Variants in TTC34 observed in about 807,000 individuals in gnomAD.
The protein encoded by TTC34 is tetratricopeptide repeat domain 34, also known as tetratricopeptide repeat protein 34.
A neutral mutation model predicts 40.7 loss-of-function variants in TTC34; 44 were observed. The ratio of observed to expected loss-of-function variants is 1.08; its 90% CI spans 0.85 to 1.39. TTC34 has a LOEUF of 1.39. Ranked by LOEUF, TTC34 falls within the 40% of genes most tolerant of loss-of-function variation. TTC34 has a pLI of 0.00. For missense variants in TTC34, 884 were observed against 838.0 expected (o/e 1.05, Z -0.68); for synonymous variants, 422 against 398.6 (o/e 1.06, Z -0.70).
chr1:2,691,989 AG>A (rs1640640764), intron 6 of TTC34, among the ~76,000 whole-genome samples: 3 of 81,180 alleles, frequency 3.7e-5, no homozygotes, highest in African/African-American at 4.3e-5. Flanking sequence ...CCACACCCCC[AG>A]GCGAGCATCT....
chr1:2,652,741 T>A (rs1570754621), intron 6 of TTC34, among the ~76,000 whole-genome samples: 1 of 149,948 alleles, frequency 6.7e-6, no homozygotes, highest in Non-Finnish European at 1.5e-5. Flanking sequence ...GGTGAGCATC[T>A]GACAGACTGG....
chr1:2,695,014 C>A (rs538772376), intron 6 of TTC34, among the ~76,000 whole-genome samples: 3 of 149,378 alleles, frequency 2.0e-5, no homozygotes, highest in Admixed American at 6.7e-5. Context: ...GATCTGACAG[C>A]CTGGAACAGC....
intron 6 of TTC34, among the ~76,000 whole-genome samples, chr1:2,750,967 C>A (rs1217868489): frequency 0.012 from 1,392 of 111,370 alleles, 1 homozygote; most frequent in Admixed American, 0.02. Context: ...GCACCCACAC[C>A]CCCAGGTGCG....
At chr1:2,682,124 ACAGC>A (rs1394885502) in intron 6 of TTC34, among the ~76,000 whole-genome samples, 3 of 147,290 alleles carry the variant, frequency 2.0e-5, no homozygotes, top group African/African-American at 2.5e-5. Flanking sequence ...TGAGCATCTG[ACAGC>A]CTGGAACAGC....
intron 6 of TTC34, among the ~76,000 whole-genome samples, chr1:2,767,472 G>T (rs1224612008): frequency 1.2e-3 from 178 of 147,540 alleles, no homozygotes; most frequent in Middle Eastern, 7.0e-3. Flanking sequence ...GCCTGGAACA[G>T]AATTCTCCAA....
intron 6 of TTC34, among the ~76,000 whole-genome samples, 155 bp downstream of exon 6, chr1:2,783,454 C>G (rs963792640): frequency 6.6e-6 from 1 of 152,202 alleles, no homozygotes; most frequent in Non-Finnish European, 1.5e-5. Flanking sequence ...TCCCATGAGC[C>G]GCTGTACAGG....
chr1:2,757,657 A>T (rs1355874392), intron 6 of TTC34, among the ~76,000 whole-genome samples: 2 of 128,236 alleles, frequency 1.6e-5, no homozygotes, highest in African/African-American at 3.2e-5. Context: ...GACAGCCTGG[A>T]GCAGGACCCA....
intron 6 of TTC34, among the ~76,000 whole-genome samples, chr1:2,684,532 C>A: frequency 8.2e-6 from 1 of 121,348 alleles, no homozygotes. Flanking sequence ...GGTGAGCATC[C>A]GACATCCTGA....
intron 8 of TTC34, among the ~76,000 whole-genome samples, chr1:2,643,501 G>C (rs1423845500): frequency 6.6e-6 from 1 of 152,158 alleles, no homozygotes; most frequent in Non-Finnish European, 1.5e-5. Context: ...CCCCCTGCCA[G>C]GCCCTGCTCC....
rs1423896885 is a variant in TTC34 at position 2,751,967 on chromosome 1, C to T, written c.2226+31642G>A. Among the ~76,000 whole-genome samples, 11 of 110,810 alleles carry T rather than the reference C, an allele frequency of 9.9e-5. 2 individuals are homozygous for T. Among genetic ancestry groups the T allele is most frequent in the Non-Finnish European group, 2.0e-4 (11 of 55,980 alleles). 72.7% of individuals were successfully genotyped at this position (110,810 alleles called of 152,430 possible). On this transcript the variant is annotated intron_variant, in intron 6 of 8. Coordinates refer to ENST00000401095, the Ensembl canonical transcript of TTC34. ...ATCGGAGAGTCTGGAGCAGCGCCCA[C>T]ACCCCCAGGCGAGCATTTGACAGCC... is the stretch of plus-strand genomic sequence containing the variant.
intron 6 of TTC34, among the ~76,000 whole-genome samples, chr1:2,683,411 A>G (rs1380144155): frequency 1.1e-4 from 13 of 120,488 alleles, no homozygotes; most frequent in East Asian, 2.6e-4. Context: ...AGCATCCGAT[A>G]GCCTGGAACA....
At chr1:2,685,130 C>A (rs1262766708) in intron 6 of TTC34, among the ~76,000 whole-genome samples, 3 of 136,020 alleles carry the variant, frequency 2.2e-5, no homozygotes, top group Non-Finnish European at 3.1e-5. Context: ...CCCAGGCGAG[C>A]ATCGGACGGC....
intron 6 of TTC34, among the ~76,000 whole-genome samples, chr1:2,767,952 T>A (rs1641831298): frequency 6.7e-6 from 1 of 149,800 alleles, no homozygotes; most frequent in Non-Finnish European, 1.5e-5. Flanking sequence ...TCCGATGGCA[T>A]GGAACAGCAC....
At chr1:2,749,400 G>T (rs1569685922) in intron 6 of TTC34, among the ~76,000 whole-genome samples, 3 of 96,414 alleles carry the variant, frequency 3.1e-5, no homozygotes, top group Admixed American at 1.1e-4. Context: ...ACAGCACCCT[G>T]CACCCCCAGG....
chr1:2,800,519 G>A (rs962523905), exon 2 of TTC34: 11 of 398,124 alleles, frequency 2.8e-5, no homozygotes, highest in South Asian at 1.3e-4. Context: ...GCAGGATGGC[G>A]GCGGGGTGGT....
At chr1:2,759,608 A>G (rs1641624604) in intron 6 of TTC34, among the ~76,000 whole-genome samples, 1 of 152,116 alleles carries the variant, frequency 6.6e-6, no homozygotes, top group African/African-American at 2.4e-5. Flanking sequence ...CCGCCAGGCG[A>G]GCATCCGCCA....
At chr1:2,767,770 C>T (rs1203019355) in intron 6 of TTC34, among the ~76,000 whole-genome samples, 1 of 147,168 alleles carries the variant, frequency 6.8e-6, no homozygotes, top group Non-Finnish European at 1.5e-5. Context: ...CCTGCACCCC[C>T]AGTTGAGCAT....
exon 4 of TTC34, chr1:2,787,514 C>T: frequency 6.6e-7 from 1 of 1,514,200 alleles, no homozygotes; most frequent in Non-Finnish European, 8.9e-7. Context: ...CCCTCCTCAG[C>T]TGCAGCAGGG....
chr1:2,694,810 C>T (rs1479881977), intron 6 of TTC34, among the ~76,000 whole-genome samples: 3 of 79,946 alleles, frequency 3.8e-5, no homozygotes, highest in East Asian at 3.1e-4. Flanking sequence ...GAGCATCTGA[C>T]AGCCTGGAAC....
Sources: allele counts gnomAD v4.1 joint callset (sites outside exome capture counted in the v4.1 genomes callset), GRCh38; gene constraint gnomAD v4.1.1; transcripts MANE v1.5; gene names NCBI Gene and HGNC (gene_info 2026-07-23, HGNC 2026-07-21).